The following PDE1A variants were observed in gnomAD, a reference collection of about 807,000 sequenced individuals.
The protein encoded by PDE1A is phosphodiesterase 1A.
A neutral mutation model predicts 61.7 loss-of-function variants in PDE1A; 35 were observed. The ratio of observed to expected loss-of-function variants is 0.57; its 90% CI spans 0.43 to 0.75. The LOEUF (loss-of-function observed/expected upper bound fraction) is 0.75, where lower values mean the gene tolerates loss of function less well. Ranked by LOEUF, PDE1A falls within the 30% of genes least tolerant of loss-of-function variation. PDE1A has a pLI of 0.00. For missense variants in PDE1A, 597 were observed against 630.6 expected, an observed-to-expected ratio of 0.95 and a Z score of 0.57; for synonymous variants, 232 against 213.2, an observed-to-expected ratio of 1.09 and a Z score of -0.77.
intron 6 of PDE1A, among the ~76,000 whole-genome samples, chr2:182,226,400 C>G (rs1209287941): frequency 6.7e-6 from 1 of 149,764 alleles, no homozygotes; most frequent in East Asian, 1.9e-4. Context: ...TTACTTATTT[C>G]TGCACTATGG....
At chr2:182,452,673 A>G (rs1345851480) in intron 2 of PDE1A, among the ~76,000 whole-genome samples, 1 of 152,148 alleles carries the variant, frequency 6.6e-6, no homozygotes, top group African/African-American at 2.4e-5. Flanking sequence ...GCCCCAAGCA[A>G]AAAAGGTGAC....
At chr2:182,385,667 A>AAGAAAGAAAG (rs1701001558) in intron 1 of PDE1A, among the ~76,000 whole-genome samples, 2 of 111,352 alleles carry the variant, frequency 1.8e-5, no homozygotes, top group Non-Finnish European at 1.9e-5. Flanking sequence ...AAGAAGAAAA[A>AAGAAAGAAAG]AAGAAAGAAA....
At chr2:182,685,076 C>G in the PDE1A span, among the ~76,000 whole-genome samples, 1 of 149,562 alleles carries the variant, frequency 6.7e-6, no homozygotes, top group Non-Finnish European at 1.5e-5. Flanking sequence ...TATATATATT[C>G]AGAGTATATA....
intron 1 of PDE1A, among the ~76,000 whole-genome samples, chr2:182,291,236 T>A (rs1192552356): frequency 6.6e-6 from 1 of 152,106 alleles, no homozygotes; most frequent in Non-Finnish European, 1.5e-5. Context: ...AAACCACACA[T>A]TCAACCAAGA....
intron 1 of PDE1A, among the ~76,000 whole-genome samples, chr2:182,387,219 G>C (rs1052102153): frequency 5.3e-5 from 8 of 152,118 alleles, no homozygotes; most frequent in African/African-American, 1.7e-4. Flanking sequence ...CTTGAAGGCA[G>C]CATACTCGTT....
chr2:182,245,887 G>T (rs534805507), intron 2 of PDE1A, among the ~76,000 whole-genome samples: 1 of 152,132 alleles, frequency 6.6e-6, no homozygotes, highest in South Asian at 2.1e-4. Flanking sequence ...GTTTAGTTTT[G>T]CAAAAACTGC....
At chr2:182,413,461 A>T (rs374550221) in intron 1 of PDE1A, among the ~76,000 whole-genome samples, 46 of 152,298 alleles carry the variant, frequency 3.0e-4, no homozygotes, top group African/African-American at 1.0e-3. Flanking sequence ...AGGACTTGAT[A>T]ATTGTTTTGT....
At chr2:182,278,267 G>A (rs1202108983) in intron 1 of PDE1A, among the ~76,000 whole-genome samples, 1 of 151,984 alleles carries the variant, frequency 6.6e-6, no homozygotes, top group African/African-American at 2.4e-5. Context: ...ATTGAGTTGA[G>A]TCTTCTAATT....
At chr2:182,223,263 A>G (rs1688875956) in intron 7 of PDE1A, among the ~76,000 whole-genome samples, 1 of 152,020 alleles carries the variant, frequency 6.6e-6, no homozygotes, top group African/African-American at 2.4e-5. Context: ...CTGTACTCCT[A>G]GCATCCATAA....
chr2:182,185,300 G>T (rs1685112233), intron 13 of PDE1A, among the ~76,000 whole-genome samples: 1 of 152,164 alleles, frequency 6.6e-6, no homozygotes, highest in Non-Finnish European at 1.5e-5. Flanking sequence ...CTGCACGAAA[G>T]ATAATAACTG....
chr2:182,178,409 T>A (rs921311430), intron 13 of PDE1A, among the ~76,000 whole-genome samples: 1 of 152,102 alleles, frequency 6.6e-6, no homozygotes, highest in African/African-American at 2.4e-5. Flanking sequence ...GACATATTTT[T>A]CACCCCCTAT....
At chr2:182,180,990 C>A (rs1176979840) in intron 13 of PDE1A, among the ~76,000 whole-genome samples, 8 of 151,894 alleles carry the variant, frequency 5.3e-5, no homozygotes, top group Non-Finnish European at 8.8e-5. Context: ...GCTCCTGTAA[C>A]CTTTTATCAA....
the PDE1A span, among the ~76,000 whole-genome samples, chr2:182,554,695 C>A: frequency 6.6e-6 from 1 of 152,072 alleles, no homozygotes; most frequent in Admixed American, 6.5e-5. Flanking sequence ...CATGCACAGC[C>A]TTCAAACATG....
chr2:182,199,044 G>A (rs1686382239), intron 10 of PDE1A, among the ~76,000 whole-genome samples: 1 of 151,826 alleles, frequency 6.6e-6, no homozygotes, highest in Admixed American at 6.6e-5. Context: ...TGAATATTCA[G>A]ACTACATGAT....
the PDE1A span, among the ~76,000 whole-genome samples, chr2:182,563,333 C>G: frequency 6.6e-6 from 1 of 152,098 alleles, no homozygotes; most frequent in Non-Finnish European, 1.5e-5. Flanking sequence ...CATTCAGGAG[C>G]AGGTTGTTCA....
intron 1 of PDE1A, among the ~76,000 whole-genome samples, chr2:182,401,210 G>A (rs1701981000): frequency 6.6e-6 from 1 of 151,996 alleles, no homozygotes; most frequent in Non-Finnish European, 1.5e-5. Flanking sequence ...ACCCAGGAGG[G>A]ACACGACACA....
rs73040173 is a variant in PDE1A at position 182,147,709 on chromosome 2, G to A, written c.1517-557C>T. Among the ~76,000 whole-genome samples the A allele has an allele frequency of 7.3e-3, 1,112 of 152,210 alleles. 13 individuals carry two copies. Among genetic ancestry groups the A allele is most frequent in the African/African-American group, 0.024 (1,013 of 41,528 alleles). ...TCTGGAGAGGTTGTAGAGAATCTAT[G>A]AAAATAGAAGTATAAAGCAGAATGT... On this transcript the variant is annotated intron_variant, in intron 13 of 13. Transcript: ENST00000409365.
At chr2:182,181,964 T>A (rs1461488135) in intron 13 of PDE1A, among the ~76,000 whole-genome samples, 1 of 152,202 alleles carries the variant, frequency 6.6e-6, no homozygotes, top group Non-Finnish European at 1.5e-5. Context: ...ATTTTAACAG[T>A]TTTATACTGT....
chr2:182,710,088 G>A, the PDE1A span, among the ~76,000 whole-genome samples: 2 of 152,114 alleles, frequency 1.3e-5, no homozygotes, highest in East Asian at 3.9e-4. Context: ...GCAGAGATAC[G>A]GTTTCACCAT....
Sources: allele counts gnomAD v4.1 joint callset (sites outside exome capture counted in the v4.1 genomes callset), GRCh38; gene constraint gnomAD v4.1.1; transcripts MANE v1.5; gene names NCBI Gene and HGNC (gene_info 2026-07-23, HGNC 2026-07-21).